BTBD8: variants seen among roughly 807,000 people sequenced by gnomAD.
BTBD8 encodes the protein BTB domain containing 8, also known as BTB/POZ domain-containing protein 8.
A neutral mutation model predicts 162.9 loss-of-function variants in BTBD8; 110 were observed. The ratio of observed to expected loss-of-function variants is 0.68; its 90% CI spans 0.58 to 0.79. The LOEUF (loss-of-function observed/expected upper bound fraction) is 0.79. BTBD8 is among the 30% of genes least tolerant of loss of function. The probability of loss-of-function intolerance (pLI) is 0.00; values close to 1 mark genes in which losing one functional copy is unlikely to be tolerated. For missense variants in BTBD8, 1,905 were observed against 2,085.4 expected, an observed-to-expected ratio of 0.91 and a Z score of 1.68; for synonymous variants, 667 against 716.1, an observed-to-expected ratio of 0.93 and a Z score of 1.10.
At chr1:92,182,663 A>G in intron 17 of BTBD8, 68 bp downstream of exon 17, 16 of 984,702 alleles carry the variant, frequency 1.6e-5, no homozygotes, top group Non-Finnish European at 2.2e-5. Flanking sequence ...AAGTTGTATG[A>G]AGCCCTGAAT....
chr1:92,167,979 G>A lies in BTBD8; in HGVS notation c.1437G>A (p.Lys479=). ...LDTLLNSDST[K]EMGFTCKIQA... is the part of the protein sequence containing the mutation. ...CACTGCTGAACTCTGACAGTACAAA[G>A]GAAATGGTACTGAATGTAATGAAAT... is the stretch of plus-strand genomic sequence containing the variant. The change falls in exon 11 of 18, where the codon AAG becomes AAA. Residue 479 remains lysine (K), a synonymous_variant. Transcript: ENST00000636805. 1 of 1,544,442 alleles carries A rather than the reference G, an allele frequency of 6.5e-7. No individual in the cohort carries two copies. The highest frequency in any genetic ancestry group is 1.2e-5 in the South Asian group (1 of 82,586).
At chr1:92,104,343 C>T (rs35241254) in intron 3 of BTBD8, among the ~76,000 whole-genome samples, 34,814 of 152,054 alleles carry the variant, frequency 0.23, 5,054 homozygotes, top group South Asian at 0.33. Context: ...AATGAATACA[C>T]ATTCTAGGCC....
intron 9 of BTBD8, among the ~76,000 whole-genome samples, chr1:92,158,085 A>T (rs1650201925): frequency 6.6e-6 from 1 of 152,102 alleles, no homozygotes; most frequent in East Asian, 1.9e-4. Context: ...ATTGGTATGA[A>T]ATATCTTTTT....
intron 4 of BTBD8, among the ~76,000 whole-genome samples, chr1:92,121,847 T>TA (rs540501918): frequency 1.1e-3 from 159 of 151,344 alleles, no homozygotes; most frequent in African/African-American, 3.8e-3. Context: ...TTTTATTTTT[T>TA]TTTTTTTGAG....
At position 92,171,983 on chromosome 1, in the gene BTBD8, C is replaced by T. The variant is rs181181802; in HGVS notation, c.1635+523C>T. ...GTGCACACCTGTAATCCCAGCTACT[C>T]GGGAGGCTGAGGGAGGAGAATTGCT... On this transcript the variant is annotated intron_variant, in intron 13 of 17. Transcript: ENST00000636805. 3.9e-5 allele frequency among the ~76,000 whole-genome samples: 6 copies of T among 152,074 alleles called. No homozygotes were observed. The East Asian group carries it at 1.2e-3, about 29-fold the overall frequency.
chr1:92,118,942 C>T (rs927989617), intron 4 of BTBD8, among the ~76,000 whole-genome samples: 5 of 149,854 alleles, frequency 3.3e-5, no homozygotes, highest in Admixed American at 2.7e-4. Flanking sequence ...TACTTTCTGG[C>T]ACTGAAAGAT....
At chr1:92,090,706 G>A (rs565436172) in intron 2 of BTBD8, among the ~76,000 whole-genome samples, 1 of 152,332 alleles carries the variant, frequency 6.6e-6, no homozygotes, top group African/African-American at 2.4e-5. Flanking sequence ...GAGGTGGGCA[G>A]ATCACCTGAG....
chr1:92,165,316 G>A (rs1053866827), intron 9 of BTBD8, among the ~76,000 whole-genome samples: 8 of 152,126 alleles, frequency 5.3e-5, no homozygotes, highest in African/African-American at 1.9e-4. Context: ...AGCTAAAACA[G>A]AGGTAGTTTT....
rs527842877 is a variant in BTBD8 at position 92,154,490 on chromosome 1, G to A, written c.1122+6704G>A. Among the ~76,000 whole-genome samples, 10 of 152,200 alleles carry A rather than the reference G, an allele frequency of 6.6e-5. No individual in the cohort carries two copies. In the South Asian group the frequency reaches 1.7e-3, roughly 25 times the overall value. On this transcript the variant is annotated intron_variant, in intron 9 of 17. Transcript: ENST00000636805. Reference sequence around the variant, plus strand: ...ATCATAGCCATCCAAACAGATGTGCGGTGACATCCTATTGTGGTTTTAATT... The same window carrying A: ...ATCATAGCCATCCAAACAGATGTGCAGTGACATCCTATTGTGGTTTTAATT...
chr1:92,141,477 T>C (rs1307103344), intron 7 of BTBD8, among the ~76,000 whole-genome samples: 1 of 152,202 alleles, frequency 6.6e-6, no homozygotes, highest in Non-Finnish European at 1.5e-5. Flanking sequence ...GCTCAGAGTT[T>C]GGAACTAGGA....
At chr1:92,138,821 A>G (rs780100970) in intron 5 of BTBD8, among the ~76,000 whole-genome samples, 1 of 152,200 alleles carries the variant, frequency 6.6e-6, no homozygotes, top group Non-Finnish European at 1.5e-5. Context: ...ATGGCACTCA[A>G]TTGGATATAA....
intron 17 of BTBD8, 93 bp from the exon 18 acceptor site, chr1:92,183,768 TTTG>T: frequency 1.7e-6 from 1 of 575,488 alleles, no homozygotes; most frequent in Non-Finnish European, 2.7e-6. Flanking sequence ...TTTTTTTTTT[TTTG>T]ACTATCACTG....
At chr1:92,098,140 G>A (rs1648501252) in intron 2 of BTBD8, among the ~76,000 whole-genome samples, 1 of 152,176 alleles carries the variant, frequency 6.6e-6, no homozygotes, top group South Asian at 2.1e-4. Context: ...TGTATAAACA[G>A]TTTAGACATA....
intron 2 of BTBD8, among the ~76,000 whole-genome samples, chr1:92,095,919 G>A (rs116127219): frequency 1.0e-3 from 152 of 151,464 alleles, no homozygotes; most frequent in Non-Finnish European, 2.1e-3. Flanking sequence ...CTCCCTTTAG[G>A]ACTTCAACTC....
Position 92,180,900 on chromosome 1 carries a change from C to A in BTBD8, c.3217C>A (p.His1073Asn). 1 of 1,551,648 alleles carries A rather than the reference C, an allele frequency of 6.4e-7. No individual in the cohort carries two copies. The highest frequency in any genetic ancestry group is 1.2e-5 in the South Asian group (1 of 84,056). Residue 1073 changes from histidine to asparagine, a missense_variant, in exon 17 of 18, where the codon CAT (histidine) becomes AAT (asparagine). His to Asn is a moderately conservative substitution (Grantham distance 68). Transcript: ENST00000636805. ...TTGCGATGCAGCTAACATATGTTGT[C>A]ATTCTGTTGGGAGTGATAATGTAAA... is the stretch of plus-strand genomic sequence containing the variant. ...DDCDAANICC[H>N]SVGSDNVNSK...
At chr1:92,149,796 A>G (rs993508703) in intron 9 of BTBD8, among the ~76,000 whole-genome samples, 9 of 152,124 alleles carry the variant, frequency 5.9e-5, no homozygotes, top group African/African-American at 1.9e-4. Context: ...CGGGCCAGGT[A>G]TATGTCTAGC....
intron 11 of BTBD8, among the ~76,000 whole-genome samples, chr1:92,168,550 T>C (rs527244871): frequency 6.6e-6 from 1 of 152,336 alleles, no homozygotes; most frequent in Non-Finnish European, 1.5e-5. Flanking sequence ...GTATCATATT[T>C]ATTACTATTC....
intron 2 of BTBD8, among the ~76,000 whole-genome samples, chr1:92,091,536 CT>C (rs549874884): frequency 5.5e-4 from 81 of 145,988 alleles, no homozygotes; most frequent in Admixed American, 8.2e-4. Flanking sequence ...GCTGGTCTCT[CT>C]TTTTTTTTTT....
chr1:92,167,021 G>A lies in BTBD8; in HGVS notation c.1186G>A (p.Val396Met). 1 of 1,550,872 alleles carries A rather than the reference G, an allele frequency of 6.4e-7. No homozygotes were observed. The highest frequency in any genetic ancestry group is 8.7e-7 in the Non-Finnish European group (1 of 1,147,066). The change falls in exon 10 of 18, where the codon GTG (valine) becomes ATG (methionine). Residue 396 changes from valine (V) to methionine (M), a missense_variant. Val to Met is a conservative substitution (Grantham distance 21). Transcript: ENST00000636805. ...CAGGCTAATCATCAGTTTACCCAGA[G>A]TGAAGTGGACGGAAGCAGCACTGAC... is the stretch of plus-strand genomic sequence containing the variant. ...SDRLIISLPRVKWTEAALTMA... is the reference protein window; with the variant it reads ...SDRLIISLPRMKWTEAALTMA...
Sources: gnomAD v4.1 joint callset for allele counts (sites outside exome capture counted in the v4.1 genomes callset) on GRCh38, gnomAD v4.1.1 for gene constraint, MANE v1.5 for transcripts, NCBI Gene and HGNC (gene_info 2026-07-23, HGNC 2026-07-21) for gene names.